PTPRG: variants seen among roughly 807,000 people sequenced by gnomAD.
PTPRG encodes receptor-type tyrosine-protein phosphatase gamma.
Under a neutral mutation model 165.3 loss-of-function variants are expected in PTPRG, and 102 were observed. The ratio of observed to expected loss-of-function variants is 0.62; its 90% confidence interval spans 0.53 to 0.73. PTPRG has a LOEUF of 0.73. Ranked by LOEUF, PTPRG falls within the 30% of genes least tolerant of loss-of-function variation. PTPRG has a pLI of 0.00. For synonymous variants in PTPRG, 675 were observed against 669.5 expected, an observed-to-expected ratio of 1.01 and a Z score of -0.13; for missense variants, 1,866 against 1,861.4, an observed-to-expected ratio of 1.00 and a Z score of -0.05.
chr3:62,072,021 A>G (rs775645170), intron 4 of PTPRG, among the ~76,000 whole-genome samples: 5 of 152,204 alleles, frequency 3.3e-5, no homozygotes, highest in Non-Finnish European at 2.9e-5. Flanking sequence ...GGACAGTGAC[A>G]CATGTAGGAA....
At chr3:62,280,151 T>C (rs528302727) in intron 26 of PTPRG, among the ~76,000 whole-genome samples, 32 of 152,194 alleles carry the variant, frequency 2.1e-4, no homozygotes, top group African/African-American at 6.5e-4. Flanking sequence ...TCTTGAAATA[T>C]AACATTGACA....
intron 2 of PTPRG, among the ~76,000 whole-genome samples, chr3:61,933,631 G>C (rs2039415154): frequency 6.6e-6 from 1 of 152,176 alleles, no homozygotes; most frequent in African/African-American, 2.4e-5. Context: ...CTTTTGTAAA[G>C]GGTCACCTAA....
chr3:61,959,647 G>A (rs1339294166), intron 2 of PTPRG, among the ~76,000 whole-genome samples: 1 of 152,196 alleles, frequency 6.6e-6, no homozygotes, highest in African/African-American at 2.4e-5. Context: ...ATGCAACTGT[G>A]CCGCTCAAAG....
In PTPRG at chr3:62,224,672, C is replaced by T. The variant is rs1700722116; in HGVS notation, c.2288+5689C>T. On this transcript the variant is annotated intron_variant, in intron 13 of 29. Coordinates refer to ENST00000474889, the MANE Select transcript of PTPRG (RefSeq NM_002841.4). This position sits in a 1 kb window ranked among gnomAD's most constrained non-coding sequence, Gnocchi z 4.9. ...GTCTGTACTTAAAATTTGGCTGAAA[C>T]TAAAAACCATGAGCAGAAACCTCGG... 6.6e-6 allele frequency among the ~76,000 whole-genome samples: 1 copy of T among 152,206 alleles called. No individual in the cohort carries two copies. Among genetic ancestry groups the T allele is most frequent in the Admixed American group, 6.5e-5 (1 of 15,284 alleles).
At chr3:62,123,768 A>G (rs892214991) in intron 5 of PTPRG, among the ~76,000 whole-genome samples, 3 of 152,182 alleles carry the variant, frequency 2.0e-5, no homozygotes, top group African/African-American at 7.2e-5. Flanking sequence ...AAATATATAC[A>G]CGGCATTCAG....
chr3:61,998,471 A>C (rs1444598688), intron 3 of PTPRG, among the ~76,000 whole-genome samples: 1 of 152,224 alleles, frequency 6.6e-6, no homozygotes, highest in Non-Finnish European at 1.5e-5. Context: ...CTGCTATCTT[A>C]TTCCAATTTT....
At chr3:61,929,655 G>GA (rs1247555173) in intron 2 of PTPRG, among the ~76,000 whole-genome samples, 11 of 152,322 alleles carry the variant, frequency 7.2e-5, no homozygotes, top group African/African-American at 2.6e-4. Context: ...GAGTGCATTT[G>GA]AAAAATGAGC....
chr3:61,595,622 C>G (rs1217631593), intron 1 of PTPRG, among the ~76,000 whole-genome samples: 3 of 152,206 alleles, frequency 2.0e-5, no homozygotes, highest in Non-Finnish European at 4.4e-5. Context: ...TATTCATAGG[C>G]TAGTAGGCTG....
chr3:62,194,978 A>C, intron 9 of PTPRG, 84 bp from the exon 10 acceptor site: 1 of 1,299,112 alleles, frequency 7.7e-7, no homozygotes, highest in Non-Finnish European at 1.1e-6. Context: ...AGGCATTGTC[A>C]CGGCACTCAG....
intron 2 of PTPRG, among the ~76,000 whole-genome samples, chr3:61,826,461 A>G (rs1022767598): frequency 2.6e-5 from 4 of 152,144 alleles, no homozygotes; most frequent in African/African-American, 9.7e-5. Context: ...CAACCCCACA[A>G]AAATGATTTA....
At chr3:61,932,803 G>T (rs537472798) in intron 2 of PTPRG, among the ~76,000 whole-genome samples, 1 of 152,292 alleles carries the variant, frequency 6.6e-6, no homozygotes, top group African/African-American at 2.4e-5. Context: ...CTTTGATCTT[G>T]ATTGGCTTTC....
intron 2 of PTPRG, among the ~76,000 whole-genome samples, chr3:61,906,427 G>A (rs2038655741): frequency 6.6e-6 from 1 of 151,196 alleles, no homozygotes; most frequent in Admixed American, 6.6e-5. Flanking sequence ...TTGCATTCCA[G>A]CCCGGGTGAC....
chr3:62,053,526 C>G (rs893028929), intron 4 of PTPRG, among the ~76,000 whole-genome samples: 3 of 152,186 alleles, frequency 2.0e-5, no homozygotes, highest in African/African-American at 7.2e-5. Flanking sequence ...CTCGGCCTCC[C>G]AAAGTTGTGG....
chr3:61,915,226 C>T (rs2038905890), intron 2 of PTPRG, among the ~76,000 whole-genome samples: 1 of 152,154 alleles, frequency 6.6e-6, no homozygotes. Flanking sequence ...GAGACTCTGT[C>T]TCAAAAATAA....
intron 4 of PTPRG, among the ~76,000 whole-genome samples, chr3:62,056,658 C>T (rs1439691887): frequency 3.9e-5 from 6 of 152,074 alleles, no homozygotes; most frequent in African/African-American, 1.4e-4. Flanking sequence ...CCAGTGGCAC[C>T]CCTGACACAG....
chr3:61,774,458 A>G (rs1423552254), intron 2 of PTPRG, among the ~76,000 whole-genome samples: 1 of 152,188 alleles, frequency 6.6e-6, no homozygotes, highest in Non-Finnish European at 1.5e-5. Flanking sequence ...GAACTGTTGC[A>G]TAAGAGTCCA....
At chr3:62,144,372 CAT>C (rs770742685) in intron 6 of PTPRG, among the ~76,000 whole-genome samples, 30 of 152,330 alleles carry the variant, frequency 2.0e-4, no homozygotes, top group Admixed American at 7.2e-4. Flanking sequence ...AAGATCATCA[CAT>C]GTTTCAACTG....
intron 5 of PTPRG, among the ~76,000 whole-genome samples, chr3:62,110,942 C>T (rs1012816684): frequency 1.3e-5 from 2 of 152,144 alleles, no homozygotes; most frequent in African/African-American, 4.8e-5. Flanking sequence ...GTATAAATTA[C>T]TGGAAGCAAG....
At chr3:61,805,530 C>CA (rs58646519) in intron 2 of PTPRG, among the ~76,000 whole-genome samples, 33,875 of 96,462 alleles carry the variant, frequency 0.35, 5,712 homozygotes, top group African/African-American at 0.53. Context: ...ATGGGAAAGA[C>CA]AAAAAAAAAA....
Sources: gnomAD v4.1 joint callset for allele counts (sites outside exome capture counted in the v4.1 genomes callset) on GRCh38, gnomAD v4.1.1 for gene constraint, Gnocchi (gnomAD v3.1) non-coding constraint, MANE v1.5 for transcripts, NCBI Gene and HGNC (gene_info 2026-07-23, HGNC 2026-07-21) for gene names.